PZP: variants seen among roughly 807,000 people sequenced by gnomAD.
PZP encodes the protein PZP alpha-2-macroglobulin like.
In PZP, 150 loss-of-function variants were observed where a neutral mutation model predicts 179.8. The ratio of observed to expected loss-of-function variants is 0.83; its 90% confidence interval spans 0.73 to 0.96. PZP has a LOEUF of 0.96. Among genes scored for constraint, PZP ranks in the 40% least tolerant of loss-of-function variants. PZP has a pLI of 0.00. For synonymous variants in PZP, 624 were observed against 652.3 expected, an observed-to-expected ratio of 0.96 and a Z score of 0.66; for missense variants, 1,689 against 1,764.0, an observed-to-expected ratio of 0.96 and a Z score of 0.76.
At chr12:9,163,284 C>G (rs1425070111) in intron 21 of PZP, among the ~76,000 whole-genome samples, 1 of 96,664 alleles carries the variant, frequency 1.0e-5, no homozygotes, top group Middle Eastern at 4.2e-3. Context: ...AACCCCGTCT[C>G]TACTAAAAAT....
the PZP span, among the ~76,000 whole-genome samples, chr12:9,138,279 A>AT: frequency 5.5e-4 from 83 of 151,584 alleles, 2 homozygotes; most frequent in African/African-American, 1.2e-3. Flanking sequence ...TAATTATGTG[A>AT]TTTTTTTTCC....
At chr12:9,152,356 A>G in intron 31 of PZP, 46 bp from the exon 32 acceptor site, 1 of 1,430,616 alleles carries the variant, frequency 7.0e-7, no homozygotes, top group Non-Finnish European at 9.9e-7. Flanking sequence ...TACGTGAAAG[A>G]AAGCCAAATT....
Position 9,152,938 on chromosome 12 carries a change from T to A in PZP, c.4007A>T (p.Tyr1336Phe), listed in dbSNP as rs769494385. Residue 1336 changes from tyrosine (Y) to phenylalanine (F), a missense_variant, in exon 31 of 36, where the codon TAC (tyrosine) becomes TTC (phenylalanine). Coordinates refer to ENST00000261336, the MANE Select transcript of PZP (RefSeq NM_002864.3). ...RCVYLQTSMK[Y>F]NILPEKEDSP... ...GTCCTCTTTCTCTGGAAGAATATTG[T>A]ATTTCATGGATGTCTGTGAAACAGC... 2.5e-6 allele frequency: 4 copies of A among 1,614,168 alleles called. No individual in the cohort carries two copies. In the East Asian group the frequency reaches 8.9e-5, roughly 36 times the overall value.
At chr12:9,161,012 A>G in intron 23 of PZP, 21 bp downstream of exon 23, 2 of 1,535,208 alleles carry the variant, frequency 1.3e-6, no homozygotes, top group South Asian at 1.1e-5. Flanking sequence ...GCCCAGGTTT[A>G]CTAAATGGAA....
At position 9,202,386 on chromosome 12, in the gene PZP, C is replaced by T; in HGVS notation, c.428-15G>A. 6.2e-7 allele frequency: 1 copy of T among 1,614,058 alleles called. No homozygotes were observed. On this transcript the variant is annotated splice_polypyrimidine_tract_variant and intron_variant, in intron 3 of 35. Transcript: ENST00000261336. Reference sequence around the variant, plus strand: ...ACGGAATCTTACTGGAAAAGTAGTTCTCCGATAAGATTCAGACATGATAAA... The same window carrying T: ...ACGGAATCTTACTGGAAAAGTAGTTTTCCGATAAGATTCAGACATGATAAA...
chr12:9,176,239 T>C (rs1002845275), intron 15 of PZP, among the ~76,000 whole-genome samples: 9 of 152,192 alleles, frequency 5.9e-5, no homozygotes, highest in Admixed American at 5.2e-4. Flanking sequence ...TTCTCACTTA[T>C]GAGTGGGAGC....
intron 13 of PZP, among the ~76,000 whole-genome samples, chr12:9,191,756 C>T (rs1943468134): frequency 6.6e-6 from 1 of 152,036 alleles, no homozygotes; most frequent in African/African-American, 2.4e-5. Context: ...TGAAGTGAAT[C>T]CAATTTCGTA....
intron 13 of PZP, among the ~76,000 whole-genome samples, chr12:9,191,157 G>A (rs189956632): frequency 6.6e-6 from 1 of 152,130 alleles, no homozygotes; most frequent in Admixed American, 6.5e-5. Context: ...TTTTCATACA[G>A]ACTCTTCCTG....
chr12:9,150,721 GA>G lies in PZP; in HGVS notation c.4306del (p.Ser1436ProfsTer10), dbSNP rs1940292119. ...EQVTNQTLSF[S>X]FMVLQDIPVG... ...TGGGATGTCTTGCAGAACCATGAAG[GA>G]AAAACTTAGCGTCTGATTTGTCACC... On this transcript the variant is annotated frameshift_variant, in exon 34 of 36. Coordinates refer to ENST00000261336, the MANE Select transcript of PZP (RefSeq NM_002864.3). LOFTEE classifies it high-confidence loss of function. 2 of 1,612,580 alleles carry G rather than the reference GA, an allele frequency of 1.2e-6. No homozygotes were observed.
chr12:9,157,464 G>A, intron 27 of PZP, 109 bp from the exon 28 acceptor site: 1 of 1,026,942 alleles, frequency 9.7e-7, no homozygotes, highest in South Asian at 1.6e-5. Context: ...AGACAGATAG[G>A]CAGACAGCTA....
chr12:9,161,103 A>G lies in PZP; in HGVS notation c.2802T>C (p.Ser934=), dbSNP rs762235452. ...ATGGGAGCTTCAAGGACAACTGCTC[A>G]GACACATTAGCACCTTTAGAAACAG... ...SMTCASGANV[S]EQLSLKLPSN... is the part of the protein sequence containing the mutation. Residue 934 remains serine, a synonymous_variant, in exon 23 of 36, where the codon TCT becomes TCC. Transcript: ENST00000261336. 18 of 1,588,146 alleles carry G rather than the reference A, an allele frequency of 1.1e-5. No individual in the cohort carries two copies. In the Admixed American group the frequency reaches 2.4e-4, roughly 21 times the overall value.
chr12:9,176,591 T>C lies in PZP; in HGVS notation c.1839+4392A>G, dbSNP rs1443451464. Among the ~76,000 whole-genome samples the C allele has an allele frequency of 4.6e-5, 7 of 152,362 alleles. No individual in the cohort carries two copies. The East Asian group carries it at 1.3e-3, about 29-fold the overall frequency. ...CAATGTCTATGCAGTGTACTTTTTA[T>C]GGAAAATGGATGATTCAACAGATTC... On this transcript the variant is annotated intron_variant, in intron 15 of 35. Coordinates refer to ENST00000261336, the MANE Select transcript of PZP (RefSeq NM_002864.3).
intron 13 of PZP, among the ~76,000 whole-genome samples, chr12:9,188,271 A>T (rs895426930): frequency 4.6e-5 from 7 of 152,190 alleles, no homozygotes; most frequent in Admixed American, 4.6e-4. Flanking sequence ...CCAATGACAA[A>T]AATACGATTA....
At chr12:9,157,633 A>G in intron 27 of PZP, 134 bp downstream of exon 27, 1 of 824,940 alleles carries the variant, frequency 1.2e-6, no homozygotes, top group Non-Finnish European at 1.9e-6. Flanking sequence ...GCATCAACCA[A>G]AGAGCTTATC....
At position 9,192,520 on chromosome 12, in the gene PZP, G is replaced by A. The variant is rs763757326; in HGVS notation, c.1474C>T (p.His492Tyr). ...CATGGCCTCATTCTTACCAGGTAAT[G>A]GAAACTGAGCTCCGATAACTCTCCC... ...AMGELSELSF[H>Y]YLIMAKGVIV... Residue 492 changes from histidine to tyrosine, a missense_variant, in exon 12 of 36, where the codon CAT becomes TAT. By Grantham distance (83) the His-to-Tyr change is moderately conservative. Coordinates refer to ENST00000261336, the MANE Select transcript of PZP (RefSeq NM_002864.3). 3.5e-5 allele frequency: 56 copies of A among 1,612,510 alleles called. No homozygotes were observed. Among genetic ancestry groups the A allele is most frequent in the South Asian group, 2.3e-4 (21 of 91,040 alleles).
chr12:9,201,021 T>C lies in PZP; in HGVS notation c.541A>G (p.Lys181Glu). Residue 181 changes from lysine to glutamate, a missense_variant, in exon 6 of 36, where the codon AAG becomes GAG. Transcript: ENST00000261336. ...AACTGATTGATGCCAGCTTCTAGCT[T>C]GAGACTCTGCCATTGTGCAATTCGA... Reference protein sequence around the residue: ...RNRIAQWQSLKLEAGINQLSF... With the variant: ...RNRIAQWQSLELEAGINQLSF... 1 of 1,614,096 alleles carries C rather than the reference T, an allele frequency of 6.2e-7. No homozygotes were observed. Among genetic ancestry groups the C allele is most frequent in the Middle Eastern group, 1.6e-4 (1 of 6,062 alleles).
In PZP at chr12:9,203,766, A is replaced by C; in HGVS notation, c.267+2T>G. 1.2e-6 allele frequency: 2 copies of C among 1,614,000 alleles called. No individual in the cohort carries two copies. The highest frequency in any genetic ancestry group is 1.7e-6 in the Non-Finnish European group (2 of 1,179,934). On this transcript the variant is annotated splice_donor_variant, in intron 2 of 35. Coordinates refer to ENST00000261336, the MANE Select transcript of PZP (RefSeq NM_002864.3). LOFTEE classifies it high-confidence loss of function. ...ATAGCCAGCTGGCACCGTAGCACTC[A>C]CAGTGAAGGAGACACAGTGGAATAA...
At position 9,181,041 on chromosome 12, in the gene PZP, C is replaced by T. The variant is rs140922059; in HGVS notation, c.1781G>A (p.Arg594His). The T allele has an allele frequency of 1.3e-5, 21 of 1,614,180 alleles. No individual in the cohort carries two copies. The highest frequency in any genetic ancestry group is 2.2e-5 in the South Asian group (2 of 91,078). Residue 594 changes from arginine (R) to histidine (H), a missense_variant, in exon 15 of 36, where the codon CGT becomes CAT. Physicochemically the swap from Arg to His is conservative, Grantham distance 29. Transcript: ENST00000261336. ...AAAPQSLCAL[R>H]AVDQSVLLMK... is the part of the protein sequence containing the mutation. ...GAGCAGCACACTTTGGTCCACAGCA[C>T]GAAGGGCACAGAGGGACTGCGGAGC...
intron 13 of PZP, among the ~76,000 whole-genome samples, chr12:9,183,847 T>C (rs907916827): frequency 5.9e-5 from 9 of 152,228 alleles, no homozygotes; most frequent in Admixed American, 5.9e-4. Context: ...GTGTTTATAC[T>C]GCAAAGCTCT....
Sources: gnomAD v4.1 joint callset for allele counts (sites outside exome capture counted in the v4.1 genomes callset) on GRCh38, gnomAD v4.1.1 for gene constraint, MANE v1.5 for transcripts, NCBI Gene and HGNC (gene_info 2026-07-23, HGNC 2026-07-21) for gene names.